The following NR2F1-AS1 variants were observed in gnomAD, a reference collection of about 807,000 sequenced individuals.
NR2F1-AS1 encodes NR2F1 regulatory antisense RNA 1, also known as NR2F1 antisense RNA 1.
In NR2F1-AS1 at chr5:93,579,633, GC is replaced by G. The variant is rs1752973519; in HGVS notation, n.313+833del. 1.1e-5 allele frequency among the ~76,000 whole-genome samples: 1 copy of G among 88,134 alleles called. No homozygotes were observed. Among genetic ancestry groups the G allele is most frequent in the Non-Finnish European group, 2.3e-5 (1 of 43,362 alleles). The allele number at this position is 88,134 out of a possible 152,430, so 57.8% of individuals were successfully genotyped here. ...GCAGTCCCCAGCATCGGCTGCCCCCGCCCCCCGCGCGCCCTCTGACGCAAAC... is the reference window on the plus strand; with the variant it reads ...GCAGTCCCCAGCATCGGCTGCCCCCGCCCCCGCGCGCCCTCTGACGCAAAC... On this transcript the variant is annotated intron_variant and non_coding_transcript_variant, in intron 1 of 5. Transcript: ENST00000660523. This position sits in a 1 kb window ranked among gnomAD's most constrained non-coding sequence, Gnocchi z 5.1.
chr5:93,495,022 A>G (rs1750929133), intron 4 of NR2F1-AS1, among the ~76,000 whole-genome samples: 1 of 152,162 alleles, frequency 6.6e-6, no homozygotes, highest in Non-Finnish European at 1.5e-5. Flanking sequence ...AGATTAGCAG[A>G]TAACAAACAA....
At chr5:93,447,424 C>T (rs527323035) in intron 4 of NR2F1-AS1, among the ~76,000 whole-genome samples, 1 of 152,298 alleles carries the variant, frequency 6.6e-6, no homozygotes, top group East Asian at 1.9e-4. Context: ...CAAAAGAAGA[C>T]ATTTATGCAG....
At chr5:93,547,202 C>T (rs1007139785) in intron 4 of NR2F1-AS1, among the ~76,000 whole-genome samples, 1 of 151,970 alleles carries the variant, frequency 6.6e-6, no homozygotes, top group Non-Finnish European at 1.5e-5. Context: ...TTATTGGTTC[C>T]GTTCCTCTGG....
At chr5:93,468,388 C>G (rs1750288626) in intron 4 of NR2F1-AS1, among the ~76,000 whole-genome samples, 1 of 152,186 alleles carries the variant, frequency 6.6e-6, no homozygotes, top group Non-Finnish European at 1.5e-5. Flanking sequence ...ATTTGCATTT[C>G]TCTGATGACC....
At chr5:93,482,263 T>G (rs190508841) in intron 4 of NR2F1-AS1, among the ~76,000 whole-genome samples, 1 of 152,094 alleles carries the variant, frequency 6.6e-6, no homozygotes, top group African/African-American at 2.4e-5. Context: ...ACTCATCTCA[T>G]TGGGACAGGT....
chr5:93,576,048 T>C (rs1209088926), intron 1 of NR2F1-AS1, among the ~76,000 whole-genome samples: 3 of 152,210 alleles, frequency 2.0e-5, no homozygotes, highest in African/African-American at 7.2e-5. Context: ...TTTCTTTCCA[T>C]TAAGAGCGAT....
intron 4 of NR2F1-AS1, among the ~76,000 whole-genome samples, chr5:93,523,158 T>G (rs1363624392): frequency 6.6e-6 from 1 of 151,956 alleles, no homozygotes; most frequent in Non-Finnish European, 1.5e-5. Flanking sequence ...TTGAGCTTGG[T>G]GGGGGGAGGG....
In NR2F1-AS1 at chr5:93,485,787, C is replaced by A. The variant is rs545610505; in HGVS notation, n.638+67974G>T. ...GGTATATACCCAAAGGACTACAAAT[C>A]ATGCTGCTATAAAGACACATGCACA... is the stretch of plus-strand genomic sequence containing the variant. On this transcript the variant is annotated intron_variant and non_coding_transcript_variant, in intron 4 of 5. Transcript: ENST00000660523. Among the ~76,000 whole-genome samples, 4 of 151,532 alleles carry A rather than the reference C, an allele frequency of 2.6e-5. No homozygotes were observed. The South Asian group carries it at 8.4e-4, about 32-fold the overall frequency.
intron 4 of NR2F1-AS1, among the ~76,000 whole-genome samples, chr5:93,527,481 A>T (rs938828462): frequency 2.6e-4 from 40 of 152,226 alleles, no homozygotes; most frequent in African/African-American, 9.4e-4. Flanking sequence ...TCCTCACAGA[A>T]TCAGAAAAAA....
chr5:93,544,115 A>C (rs1360206214), intron 4 of NR2F1-AS1: 1 of 152,226 alleles, frequency 6.6e-6, no homozygotes, highest in African/African-American at 2.4e-5. Context: ...TAGCTCAAAA[A>C]ATAAAATAAA....
At chr5:93,496,214 C>T (rs923659975) in intron 4 of NR2F1-AS1, 1 of 152,116 alleles carries the variant, frequency 6.6e-6, no homozygotes, top group Admixed American at 6.6e-5. Context: ...TTTCATCTAC[C>T]TTTGTCTGTA....
At chr5:93,549,108 A>G (rs188881558) in intron 4 of NR2F1-AS1, among the ~76,000 whole-genome samples, 10 of 152,314 alleles carry the variant, frequency 6.6e-5, no homozygotes, top group Admixed American at 5.9e-4. Flanking sequence ...ACTACTAAGC[A>G]TAAAATTAAT....
intron 4 of NR2F1-AS1, among the ~76,000 whole-genome samples, chr5:93,548,871 C>T (rs144463652): frequency 6.6e-6 from 1 of 152,136 alleles, no homozygotes; most frequent in Admixed American, 6.6e-5. Context: ...GAATCTGCCT[C>T]AAGAAAAATA....
intron 4 of NR2F1-AS1, among the ~76,000 whole-genome samples, chr5:93,498,669 A>G (rs2149884374): frequency 6.6e-6 from 1 of 152,292 alleles, no homozygotes; most frequent in Non-Finnish European, 1.5e-5. Context: ...TGAAACATCT[A>G]TACTGCAAAT....
chr5:93,562,195 A>AAAAAAAAAAAAAAAAAGAAAAGAAAAG (rs755007063), intron 2 of NR2F1-AS1, among the ~76,000 whole-genome samples: 14 of 136,654 alleles, frequency 1.0e-4, no homozygotes, highest in African/African-American at 1.8e-4. Flanking sequence ...AAAAAAAAAA[A>AAAAAAAAAAAAAAAAAGAAAAGAAAAG]AAAAGAAAAG....
In NR2F1-AS1 at chr5:93,540,380, T is replaced by G. The variant is rs1156873417; in HGVS notation, n.638+13381A>C. On this transcript the variant is annotated intron_variant and non_coding_transcript_variant, in intron 4 of 5. Transcript: ENST00000660523. ...TCTCCAAAAAGATGTTTCTGGTTTC[T>G]GTTTCCTTTTCTTTCTTTGTATTTC... Among the ~76,000 whole-genome samples, 8 of 152,234 alleles carry G rather than the reference T, an allele frequency of 5.3e-5. No individual in the cohort carries two copies. In the East Asian group the frequency reaches 1.3e-3, roughly 26 times the overall value.
At chr5:93,581,501 G>C (rs1237950106), upstream of NR2F1-AS1, among the ~76,000 whole-genome samples, 4 of 152,062 alleles carry the variant, frequency 2.6e-5, no homozygotes, top group African/African-American at 9.7e-5. Flanking sequence ...GGCTGCCTGC[G>C]GGGAGGGGAG....
At chr5:93,512,391 T>C (rs73133265) in intron 4 of NR2F1-AS1, among the ~76,000 whole-genome samples, 15,586 of 152,246 alleles carry the variant, frequency 0.1, 880 homozygotes, top group Middle Eastern at 0.16. Context: ...TAAGCTGTTA[T>C]TACAAAAGAG....
chr5:93,475,625 T>C (rs552008607), intron 4 of NR2F1-AS1, among the ~76,000 whole-genome samples: 14 of 152,344 alleles, frequency 9.2e-5, no homozygotes, highest in African/African-American at 2.4e-4. Context: ...GAGCTTAGCT[T>C]ATTAAATATT....
Sources: allele counts gnomAD v4.1 joint callset (sites outside exome capture counted in the v4.1 genomes callset), GRCh38; gene constraint gnomAD v4.1.1; non-coding constraint Gnocchi (gnomAD v3.1); transcripts MANE v1.5; gene names NCBI Gene and HGNC (gene_info 2026-07-23, HGNC 2026-07-21).